Variants in BIRC6 observed in about 807,000 individuals in gnomAD.
BIRC6 encodes baculoviral IAP repeat containing 6.
A neutral mutation model predicts 503.3 loss-of-function variants in BIRC6; 98 were observed. The observed-to-expected ratio is 0.19, with a 90% CI of 0.17 to 0.23. The LOEUF is 0.23. Ranked by LOEUF, BIRC6 falls within the 10% of genes least tolerant of loss-of-function variation. The probability of loss-of-function intolerance (pLI) is 1.00; values close to 1 mark genes in which losing one functional copy is unlikely to be tolerated. For synonymous variants in BIRC6, 2,240 were observed against 2,078.7 expected (o/e 1.08, Z -2.11); for missense variants, 5,360 against 5,806.0 (o/e 0.92, Z 2.50).
At chr2:32,532,778 G>A (rs968660773) in intron 61 of BIRC6, among the ~76,000 whole-genome samples, 1 of 152,098 alleles carries the variant, frequency 6.6e-6, no homozygotes, top group Admixed American at 6.5e-5. Flanking sequence ...TTACTCAAAA[G>A]TTTGAAGCAG....
chr2:32,600,454 T>C (rs946222680), intron 70 of BIRC6, among the ~76,000 whole-genome samples: 2 of 152,200 alleles, frequency 1.3e-5, no homozygotes, highest in Non-Finnish European at 2.9e-5. Context: ...GTGGCAGATA[T>C]GTGGTTGCAA....
chr2:32,414,971 C>T lies in BIRC6; in HGVS notation c.1680C>T (p.His560=). The T allele has an allele frequency of 1.2e-6, 2 of 1,613,940 alleles. No homozygotes were observed. Among genetic ancestry groups the T allele is most frequent in the Non-Finnish European group, 1.7e-6 (2 of 1,179,868 alleles). The part of the protein sequence containing the change: ...EKTKEKHQEQ[H]NIPFPCLLAG... Reference sequence around the variant, plus strand: ...CAAAGGAAAAGCACCAGGAGCAACACAACATTCCTTTTCCATGTTTATTAG... The same window carrying T: ...CAAAGGAAAAGCACCAGGAGCAACATAACATTCCTTTTCCATGTTTATTAG... Residue 560 remains histidine (H), a synonymous_variant, in exon 10 of 74, where the codon CAC becomes CAT. Transcript: ENST00000421745.
chr2:32,393,667 G>A (rs923980730), intron 5 of BIRC6, among the ~76,000 whole-genome samples: 8 of 152,244 alleles, frequency 5.3e-5, no homozygotes, highest in Admixed American at 1.3e-4. Flanking sequence ...TTACAGGCAT[G>A]TGCCACCATT....
intron 50 of BIRC6, among the ~76,000 whole-genome samples, chr2:32,506,939 G>T (rs1459009257): frequency 1.3e-5 from 2 of 152,094 alleles, no homozygotes; most frequent in Non-Finnish European, 2.9e-5. Context: ...TCAGTGTAAA[G>T]CTGGCATGTA....
intron 6 of BIRC6, among the ~76,000 whole-genome samples, chr2:32,396,391 T>C (rs1400200212): frequency 6.6e-6 from 1 of 152,230 alleles, no homozygotes; most frequent in Non-Finnish European, 1.5e-5. Flanking sequence ...GCTTATTTTG[T>C]ATGAAAATTA....
chr2:32,480,537 G>A (rs2050264560), intron 37 of BIRC6, among the ~76,000 whole-genome samples: 1 of 147,702 alleles, frequency 6.8e-6, no homozygotes, highest in Non-Finnish European at 1.5e-5. Flanking sequence ...GTACTTATAA[G>A]GGTTATAAGA....
intron 47 of BIRC6, among the ~76,000 whole-genome samples, chr2:32,502,464 A>G (rs1409634595): frequency 6.6e-6 from 1 of 152,152 alleles, no homozygotes; most frequent in East Asian, 1.9e-4. Flanking sequence ...TCATTTTTGT[A>G]AACATTTGTT....
At chr2:32,377,915 A>C in intron 2 of BIRC6, 146 bp downstream of exon 2, 1 of 692,336 alleles carries the variant, frequency 1.4e-6, no homozygotes, top group Non-Finnish European at 2.3e-6. Context: ...AACTTCATTT[A>C]AATATTAATA....
At chr2:32,413,314 G>A (rs1446884758) in intron 9 of BIRC6, among the ~76,000 whole-genome samples, 1 of 151,684 alleles carries the variant, frequency 6.6e-6, no homozygotes, top group Non-Finnish European at 1.5e-5. Context: ...CTGAGTAGCT[G>A]GGATTACAGG....
At chr2:32,493,924 G>T (rs995072273) in intron 45 of BIRC6, among the ~76,000 whole-genome samples, 1 of 152,102 alleles carries the variant, frequency 6.6e-6, no homozygotes, top group African/African-American at 2.4e-5. Context: ...TGGTTTTATA[G>T]ATTAGTTATT....
intron 41 of BIRC6, 37 bp from the exon 42 acceptor site, chr2:32,488,551 G>A: frequency 6.8e-7 from 1 of 1,474,880 alleles, no homozygotes; most frequent in East Asian, 2.5e-5. Context: ...ATTATAATAG[G>A]TACATTTTTC....
chr2:32,469,704 T>C, intron 30 of BIRC6, 90 bp downstream of exon 30: 1 of 1,172,156 alleles, frequency 8.5e-7, no homozygotes, highest in African/African-American at 1.5e-5. Context: ...GAAATGTGGA[T>C]ACTAAGTTGT....
chr2:32,611,690 A>G, intron 73 of BIRC6, 108 bp downstream of exon 73: 1 of 1,126,108 alleles, frequency 8.9e-7, no homozygotes. Context: ...AAAGAAACAT[A>G]ATATGTATTT....
chr2:32,495,901 G>T (rs182230731), intron 45 of BIRC6, among the ~76,000 whole-genome samples: 1 of 148,570 alleles, frequency 6.7e-6, no homozygotes, highest in Non-Finnish European at 1.5e-5. Flanking sequence ...GCAGTGGTAC[G>T]ATCTCGGCTC....
chr2:32,586,727 A>T (rs560518413), intron 66 of BIRC6, among the ~76,000 whole-genome samples: 1 of 152,140 alleles, frequency 6.6e-6, no homozygotes, highest in South Asian at 2.1e-4. Flanking sequence ...CCAAAATCTC[A>T]ACCAGTCTTA....
At chr2:32,539,325 A>G (rs1015350779) in intron 61 of BIRC6, among the ~76,000 whole-genome samples, 5 of 152,198 alleles carry the variant, frequency 3.3e-5, no homozygotes, top group Non-Finnish European at 7.4e-5. Flanking sequence ...TGTTGGGGGA[A>G]ACGCCCAAAA....
rs570120936 is a variant in BIRC6 at position 32,542,278 on chromosome 2, G to A, written c.12292-963G>A. 2.0e-5 allele frequency among the ~76,000 whole-genome samples: 3 copies of A among 152,186 alleles called. No individual in the cohort carries two copies. The East Asian group carries it at 5.8e-4, about 29-fold the overall frequency. On this transcript the variant is annotated intron_variant, in intron 61 of 73. Transcript: ENST00000421745. The stretch of plus-strand genomic sequence containing the variant: ...CTAAAGGAAATCAGGGCTCCTTGGA[G>A]AAATTCTAGTACTGAGGAAGAGTAG...
intron 61 of BIRC6, among the ~76,000 whole-genome samples, chr2:32,531,831 A>G (rs1013394453): frequency 3.9e-5 from 6 of 152,134 alleles, no homozygotes; most frequent in African/African-American, 9.7e-5. Flanking sequence ...TCTCTTTTCT[A>G]TGCTGCTTTA....
chr2:32,388,895 C>T lies in BIRC6; in HGVS notation c.791C>T (p.Pro264Leu). ...SVMDRLSYLL[P>L]SARPELGVGP... is the part of the protein sequence containing the mutation. ...ATGGACAGATTGTCTTACCTCTTAC[C>T]TAGTGCACGTCCAGAACTCGGAGTG... The change falls in exon 4 of 74, where the codon CCT (proline) becomes CTT (leucine). Residue 264 changes from proline to leucine, a missense_variant. Transcript: ENST00000421745. The T allele has an allele frequency of 6.2e-7, 1 of 1,610,010 alleles. No homozygotes were observed. Among genetic ancestry groups the T allele is most frequent in the Admixed American group, 1.7e-5 (1 of 58,746 alleles).
Sources: allele counts gnomAD v4.1 joint callset (sites outside exome capture counted in the v4.1 genomes callset), GRCh38; gene constraint gnomAD v4.1.1; transcripts MANE v1.5; gene names NCBI Gene and HGNC (gene_info 2026-07-23, HGNC 2026-07-21).